Variants in AP2B1 observed in about 807,000 individuals in gnomAD.
The protein encoded by AP2B1 is adaptor related protein complex 2 subunit beta 1, also known as AP-2 complex subunit beta.
A neutral mutation model predicts 102.0 loss-of-function variants in AP2B1; 23 were observed. The observed-to-expected ratio is 0.23, with a 90% CI of 0.16 to 0.32. The LOEUF is 0.32. AP2B1 is among the 10% of genes least tolerant of loss of function. AP2B1 has a pLI of 1.00. For missense variants in AP2B1, 541 were observed against 1,157.4 expected (o/e 0.47, Z 7.73); for synonymous variants, 381 against 421.2 (o/e 0.90, Z 1.17).
At chr17:35,707,508 G>T (rs1041818533) in intron 18 of AP2B1, among the ~76,000 whole-genome samples, 1 of 142,298 alleles carries the variant, frequency 7.0e-6, no homozygotes, top group Non-Finnish European at 1.5e-5. Flanking sequence ...GCTGGAGTGC[G>T]GTGGCGCTAT....
intron 14 of AP2B1, among the ~76,000 whole-genome samples, chr17:35,667,890 A>AT (rs2075501658): frequency 6.7e-6 from 1 of 148,792 alleles, no homozygotes; most frequent in Non-Finnish European, 1.5e-5. Context: ...CAAATGAAAC[A>AT]TTTTTCGTAG....
In AP2B1 at chr17:35,723,934, C is replaced by A. The variant is rs1598380695; in HGVS notation, c.*235C>A. 2.2e-6 allele frequency: 1 copy of A among 445,306 alleles called. No individual in the cohort carries two copies. Among genetic ancestry groups the A allele is most frequent in the East Asian group, 3.1e-5 (1 of 32,118 alleles). The allele number at this position is 445,306 out of a possible 1,614,324, so 27.6% of individuals were successfully genotyped here. A position where few individuals can be genotyped will look rare whatever the true frequency, so the allele number is the denominator to read the frequency against. ...TCCCACCTCTTGCCACCTGCTGCTG[C>A]TATCTGTCCTTACTTGTGGGCTTCT... is the stretch of plus-strand genomic sequence containing the variant. On this transcript the variant is annotated 3_prime_UTR_variant, in exon 22 of 22. Coordinates refer to ENST00000610402, the MANE Select transcript of AP2B1 (RefSeq NM_001030006.2).
At chr17:35,590,959 G>C (rs1316448078) in intron 1 of AP2B1, among the ~76,000 whole-genome samples, 1 of 152,018 alleles carries the variant, frequency 6.6e-6, no homozygotes, top group Non-Finnish European at 1.5e-5. Flanking sequence ...TGGATAACTT[G>C]ATGTCAGGAG....
At chr17:35,686,740 G>A (rs1053162101) in intron 18 of AP2B1, among the ~76,000 whole-genome samples, 11 of 152,128 alleles carry the variant, frequency 7.2e-5, no homozygotes, top group Non-Finnish European at 1.0e-4. Flanking sequence ...TGAGGTGGGC[G>A]GATCACGAGG....
intron 3 of AP2B1, among the ~76,000 whole-genome samples, chr17:35,604,698 C>T (rs2073608246): frequency 6.6e-6 from 1 of 151,936 alleles, no homozygotes; most frequent in Non-Finnish European, 1.5e-5. Flanking sequence ...GCAGTGGTTG[C>T]AGGAAGCAAA....
At chr17:35,594,130 C>A in intron 2 of AP2B1, 63 bp downstream of exon 2, 2 of 1,201,440 alleles carry the variant, frequency 1.7e-6, no homozygotes, top group East Asian at 2.6e-5. Context: ...AAGATTGCCC[C>A]AGGCAGAATG....
chr17:35,597,871 C>T (rs541303372), intron 2 of AP2B1, among the ~76,000 whole-genome samples: 1 of 152,168 alleles, frequency 6.6e-6, no homozygotes, highest in African/African-American at 2.4e-5. Context: ...TCCCTACCTA[C>T]GTTTATGTTC....
Position 35,723,775 on chromosome 17 carries a change from T to C in AP2B1, c.*76T>C. 8.9e-7 allele frequency: 1 copy of C among 1,125,298 alleles called. No individual in the cohort carries two copies. Among genetic ancestry groups the C allele is most frequent in the Non-Finnish European group, 1.4e-6 (1 of 739,532 alleles). 69.7% of individuals were successfully genotyped at this position (1,125,298 alleles called of 1,614,324 possible). A position where few individuals can be genotyped will look rare whatever the true frequency, so the allele number is the denominator to read the frequency against. Reference sequence around the variant, plus strand: ...AACTCTTAACTGGAAGAAATTGTATTGCTGCGTAGAATCTGAACACACTGA... The same window carrying C: ...AACTCTTAACTGGAAGAAATTGTATCGCTGCGTAGAATCTGAACACACTGA... On this transcript the variant is annotated 3_prime_UTR_variant, in exon 22 of 22. Transcript: ENST00000610402.
intron 9 of AP2B1, among the ~76,000 whole-genome samples, chr17:35,633,555 T>C (rs1231948951): frequency 6.6e-6 from 1 of 152,166 alleles, no homozygotes; most frequent in Non-Finnish European, 1.5e-5. Context: ...AATAATGAGA[T>C]CTTGTGTAGT....
chr17:35,658,708 A>T (rs1486445793), intron 14 of AP2B1, among the ~76,000 whole-genome samples: 1 of 152,228 alleles, frequency 6.6e-6, no homozygotes, highest in Non-Finnish European at 1.5e-5. Flanking sequence ...TGGAGGGCTG[A>T]CATCTTAGAT....
chr17:35,692,146 G>A (rs2076054389), intron 18 of AP2B1, among the ~76,000 whole-genome samples: 1 of 152,194 alleles, frequency 6.6e-6, no homozygotes, highest in Non-Finnish European at 1.5e-5. Flanking sequence ...ATTCTGATAA[G>A]CAAAGGTGTC....
At position 35,598,346 on chromosome 17, in the gene AP2B1, T is replaced by A; in HGVS notation, c.143+11T>A. The A allele has an allele frequency of 6.3e-7, 1 of 1,580,874 alleles. No individual in the cohort carries two copies. The highest frequency in any genetic ancestry group is 8.7e-7 in the Non-Finnish European group (1 of 1,152,802). On this transcript the variant is annotated intron_variant, in intron 3 of 21. Coordinates refer to ENST00000610402, the MANE Select transcript of AP2B1 (RefSeq NM_001030006.2). ...GGGGAAGGATGTTAGGTAAGAGTAA[T>A]CACCCTTGCCATTGATCACTTCAGA...
chr17:35,636,852 A>G (rs956305068), intron 10 of AP2B1, among the ~76,000 whole-genome samples: 21 of 152,224 alleles, frequency 1.4e-4, no homozygotes, highest in South Asian at 6.2e-4. Context: ...AGTTTGGATG[A>G]TATATCGTAT....
intron 3 of AP2B1, among the ~76,000 whole-genome samples, chr17:35,605,321 T>C (rs1056706821): frequency 6.6e-6 from 1 of 151,402 alleles, no homozygotes; most frequent in Non-Finnish European, 1.5e-5. Context: ...TGATCTCAGC[T>C]CACCGCAAAC....
intron 12 of AP2B1, among the ~76,000 whole-genome samples, chr17:35,647,694 A>G (rs1567894599): frequency 6.6e-6 from 1 of 152,198 alleles, no homozygotes; most frequent in Non-Finnish European, 1.5e-5. Flanking sequence ...TGTGACTGAG[A>G]AAAACCATTT....
At chr17:35,689,039 C>G (rs1321767875) in intron 18 of AP2B1, among the ~76,000 whole-genome samples, 1 of 152,156 alleles carries the variant, frequency 6.6e-6, no homozygotes, top group Non-Finnish European at 1.5e-5. Context: ...AATAGTATAA[C>G]GAGCCCCTGT....
At chr17:35,722,178 A>G (rs1555593395) in intron 21 of AP2B1, among the ~76,000 whole-genome samples, 1 of 152,156 alleles carries the variant, frequency 6.6e-6, no homozygotes, top group African/African-American at 2.4e-5. Context: ...TGGGAGGTGG[A>G]GGTTGCAGTG....
At chr17:35,691,760 G>A (rs111618178) in intron 18 of AP2B1, among the ~76,000 whole-genome samples, 1,526 of 152,236 alleles carry the variant, frequency 0.01, 20 homozygotes, top group African/African-American at 0.035. Context: ...GCAGTATGTA[G>A]GTACTGGAGT....
At chr17:35,610,718 T>C (rs2073832983) in intron 5 of AP2B1, among the ~76,000 whole-genome samples, 2 of 151,720 alleles carry the variant, frequency 1.3e-5, no homozygotes, top group Admixed American at 1.3e-4. Context: ...CCATCCTGGC[T>C]AACGCGGTGA....
Sources: allele counts gnomAD v4.1 joint callset (sites outside exome capture counted in the v4.1 genomes callset), GRCh38; gene constraint gnomAD v4.1.1; transcripts MANE v1.5; gene names NCBI Gene and HGNC (gene_info 2026-07-23, HGNC 2026-07-21).